INPP5A: variants seen among roughly 807,000 people sequenced by gnomAD.
INPP5A encodes the protein inositol polyphosphate-5-phosphatase A.
INPP5A carries 14 observed loss-of-function variants against 65.2 expected under a neutral mutation model. That is an observed-to-expected ratio of 0.21 (90% CI 0.14 to 0.34). INPP5A has a LOEUF of 0.34. INPP5A is among the 10% of genes least tolerant of loss of function. The pLI is 1.00. For synonymous variants in INPP5A, 207 were observed against 208.3 expected (o/e 0.99, Z 0.05); for missense variants, 431 against 545.6 (o/e 0.79, Z 2.09).
intron 1 of INPP5A, among the ~76,000 whole-genome samples, chr10:132,558,958 C>G (rs1296074566): frequency 5.9e-5 from 9 of 152,212 alleles, no homozygotes; most frequent in Admixed American, 5.2e-4. Context: ...CGGTGCCCAC[C>G]CTGGTCGAGC....
At chr10:132,629,579 A>G (rs1590879277) in intron 2 of INPP5A, among the ~76,000 whole-genome samples, 1 of 152,256 alleles carries the variant, frequency 6.6e-6, no homozygotes, top group Admixed American at 6.5e-5. Flanking sequence ...GTGTGGCTCC[A>G]GGGTTGGTGC....
intron 4 of INPP5A, among the ~76,000 whole-genome samples, chr10:132,661,525 A>C (rs766686486): frequency 2.6e-5 from 4 of 152,238 alleles, no homozygotes; most frequent in Non-Finnish European, 5.9e-5. Context: ...TGCTCAGAGA[A>C]ATTAAATAAG....
At chr10:132,688,731 A>G (rs1845194880) in intron 4 of INPP5A, among the ~76,000 whole-genome samples, 2 of 149,644 alleles carry the variant, frequency 1.3e-5, no homozygotes, top group Non-Finnish European at 3.0e-5. Context: ...TGTGTGCATG[A>G]ATGTGTGCAA....
At chr10:132,683,968 G>A (rs1363086023) in intron 4 of INPP5A, among the ~76,000 whole-genome samples, 2 of 152,166 alleles carry the variant, frequency 1.3e-5, no homozygotes, top group African/African-American at 4.8e-5. Context: ...ACCCACCTTG[G>A]CCTCCCAAAG....
chr10:132,764,593 CAGGGGTGGGAGGG>C (rs1846799170), intron 11 of INPP5A, among the ~76,000 whole-genome samples: 1 of 141,066 alleles, frequency 7.1e-6, no homozygotes, highest in African/African-American at 2.7e-5. Context: ...GCCAGTCCTG[CAGGGGTGGGAGGG>C]TGTGCGTGGT....
At chr10:132,572,897 A>G (rs916917506) in intron 1 of INPP5A, among the ~76,000 whole-genome samples, 4 of 152,194 alleles carry the variant, frequency 2.6e-5, no homozygotes, top group Non-Finnish European at 5.9e-5. Flanking sequence ...TTAAAGAAAC[A>G]TCAGCTCGGT....
intron 4 of INPP5A, among the ~76,000 whole-genome samples, chr10:132,654,106 C>G (rs919651374): frequency 1.3e-5 from 2 of 152,216 alleles, no homozygotes; most frequent in African/African-American, 4.8e-5. Flanking sequence ...GTCACCCTCA[C>G]GATGAGGGTT....
Position 132,603,780 on chromosome 10 carries a change from C to G in INPP5A, c.76-4135C>G, listed in dbSNP as rs1293816045. 6.6e-6 allele frequency among the ~76,000 whole-genome samples: 1 copy of G among 152,168 alleles called. No individual in the cohort carries two copies. The highest frequency in any genetic ancestry group is 1.5e-5 in the Non-Finnish European group (1 of 68,022). Reference sequence around the variant, plus strand: ...TTTGTTAGTTTGTAACAGAGACACTCTGTTCCACCTTTCCCTGCCTCCGTT... The same window carrying G: ...TTTGTTAGTTTGTAACAGAGACACTGTGTTCCACCTTTCCCTGCCTCCGTT... On this transcript the variant is annotated intron_variant, in intron 1 of 15. Transcript: ENST00000368594. The surrounding 1 kb of genome is among the most constrained non-coding windows in gnomAD (Gnocchi z 4.2).
chr10:132,607,696 A>G (rs2071876335), intron 1 of INPP5A, among the ~76,000 whole-genome samples: 2 of 152,224 alleles, frequency 1.3e-5, no homozygotes, highest in Non-Finnish European at 2.9e-5. Context: ...TGCATCGTGC[A>G]CCATGTCCCT....
chr10:132,644,754 G>A lies in INPP5A; in HGVS notation c.118-1114G>A, dbSNP rs777943561. 2.9e-4 allele frequency among the ~76,000 whole-genome samples: 44 copies of A among 152,248 alleles called. No individual in the cohort carries two copies. The highest frequency in any genetic ancestry group is 6.2e-4 in the South Asian group (3 of 4,836). The stretch of plus-strand genomic sequence containing the variant: ...GGGGCTTGCTCCTTGGAAGCGCTGC[G>A]CATCCTGTGTTCCAGGGGAGCGGGG... On this transcript the variant is annotated intron_variant, in intron 2 of 15. Transcript: ENST00000368594. This position sits in a 1 kb window ranked among gnomAD's most constrained non-coding sequence, Gnocchi z 6.5.
intron 1 of INPP5A, among the ~76,000 whole-genome samples, chr10:132,556,416 G>C (rs190694086): frequency 4.6e-5 from 7 of 152,184 alleles, no homozygotes; most frequent in African/African-American, 1.7e-4. Flanking sequence ...CACCTGTTGG[G>C]GCTGGTGGAA....
At chr10:132,721,548 G>A (rs1368824582) in intron 8 of INPP5A, among the ~76,000 whole-genome samples, 2 of 149,686 alleles carry the variant, frequency 1.3e-5, no homozygotes, top group African/African-American at 2.5e-5. Flanking sequence ...TTTCTGTGGT[G>A]CCTGGGTTCT....
chr10:132,742,324 C>G (rs1846289767), intron 9 of INPP5A, among the ~76,000 whole-genome samples: 2 of 152,232 alleles, frequency 1.3e-5, no homozygotes, highest in African/African-American at 4.8e-5. Context: ...CAGGAGGAAG[C>G]CTTCGCACAG....
rs1174557842 is a variant in INPP5A at position 132,650,828 on chromosome 10, C to T, written c.306+323C>T. 1.9e-4 allele frequency among the ~76,000 whole-genome samples: 29 copies of T among 152,114 alleles called. No homozygotes were observed. The highest frequency in any genetic ancestry group is 1.7e-3 in the Admixed American group (26 of 15,276). On this transcript the variant is annotated intron_variant, in intron 4 of 15. Coordinates refer to ENST00000368594, the MANE Select transcript of INPP5A (RefSeq NM_005539.5). The surrounding 1 kb of genome is among the most constrained non-coding windows in gnomAD (Gnocchi z 5.5). ...ATAAGAGGGAGTCCGGGGCTCCAGG[C>T]GTGTAGATGAGAGGTTGGACAGCAG...
intron 1 of INPP5A, among the ~76,000 whole-genome samples, chr10:132,569,247 T>C (rs2071308747): frequency 6.6e-6 from 1 of 152,228 alleles, no homozygotes. Flanking sequence ...TGTCAATTCT[T>C]TTTGGTTAAA....
intron 2 of INPP5A, among the ~76,000 whole-genome samples, chr10:132,628,406 C>T (rs1186593986): frequency 2.9e-5 from 4 of 136,662 alleles, no homozygotes; most frequent in African/African-American, 1.1e-4. Context: ...CTGTGAGGGC[C>T]TGGAGCCCTG....
chr10:132,668,080 C>T (rs1235774750), intron 4 of INPP5A, among the ~76,000 whole-genome samples: 1 of 152,200 alleles, frequency 6.6e-6, no homozygotes, highest in African/African-American at 2.4e-5. Context: ...TATTTCTAGG[C>T]AACATTAAAC....
chr10:132,666,069 A>G (rs2072797739), intron 4 of INPP5A, among the ~76,000 whole-genome samples: 1 of 151,318 alleles, frequency 6.6e-6, no homozygotes, highest in African/African-American at 2.4e-5. Flanking sequence ...AAAAAAAAAA[A>G]AGAGAAGAAT....
intron 8 of INPP5A, among the ~76,000 whole-genome samples, chr10:132,714,140 C>G (rs962320391): frequency 6.6e-6 from 1 of 152,214 alleles, no homozygotes; most frequent in African/African-American, 2.4e-5. Context: ...TAAAATGTGT[C>G]ATTGCCCCTC....
Sources: allele counts gnomAD v4.1 joint callset (sites outside exome capture counted in the v4.1 genomes callset), GRCh38; gene constraint gnomAD v4.1.1; non-coding constraint Gnocchi (gnomAD v3.1); transcripts MANE v1.5; gene names NCBI Gene and HGNC (gene_info 2026-07-23, HGNC 2026-07-21).